COL25A1: variants seen among roughly 807,000 people sequenced by gnomAD.
COL25A1 encodes collagen alpha-1(XXV) chain.
A neutral mutation model predicts 128.4 loss-of-function variants in COL25A1; 103 were observed. The observed-to-expected ratio is 0.80, with a 90% CI of 0.68 to 0.94. The LOEUF (loss-of-function observed/expected upper bound fraction) is 0.94, where lower values mean the gene tolerates loss of function less well. Among genes scored for constraint, COL25A1 ranks in the 40% least tolerant of loss-of-function variants. The pLI is 0.00. For missense variants in COL25A1, 745 were observed against 840.0 expected, an observed-to-expected ratio of 0.89 and a Z score of 1.40; for synonymous variants, 279 against 277.2, an observed-to-expected ratio of 1.01 and a Z score of -0.06.
At chr4:108,833,130 T>A (rs560349408) in intron 31 of COL25A1, among the ~76,000 whole-genome samples, 2 of 152,312 alleles carry the variant, frequency 1.3e-5, no homozygotes, top group South Asian at 4.1e-4. Context: ...TGAACTCTTG[T>A]TTTCAGCTGT....
chr4:109,276,356 G>A (rs1185420737), intron 3 of COL25A1, among the ~76,000 whole-genome samples: 8 of 149,636 alleles, frequency 5.3e-5, no homozygotes, highest in African/African-American at 2.0e-4. Flanking sequence ...AGGTTGCAGT[G>A]AGCCGAGATC....
At chr4:109,283,794 C>T (rs750764907) in intron 3 of COL25A1, among the ~76,000 whole-genome samples, 1 of 152,200 alleles carries the variant, frequency 6.6e-6, no homozygotes, top group African/African-American at 2.4e-5. Flanking sequence ...AGCCCTACTT[C>T]TGAAAGTTGA....
chr4:109,096,798 G>A (rs916464033), intron 3 of COL25A1, among the ~76,000 whole-genome samples: 3 of 152,188 alleles, frequency 2.0e-5, no homozygotes, highest in African/African-American at 7.2e-5. Context: ...TGCAGTTCCT[G>A]ACAAATAGCT....
intron 6 of COL25A1, among the ~76,000 whole-genome samples, chr4:108,987,822 C>T (rs1273383640): frequency 6.6e-6 from 1 of 152,180 alleles, no homozygotes; most frequent in Non-Finnish European, 1.5e-5. Flanking sequence ...CCCCCATAAG[C>T]TCACAATCTC....
intron 6 of COL25A1, among the ~76,000 whole-genome samples, chr4:108,984,600 A>C (rs1177552291): frequency 1.3e-5 from 2 of 152,202 alleles, no homozygotes; most frequent in Non-Finnish European, 2.9e-5. Flanking sequence ...CCAGGTGCTA[A>C]GCCCCTCACT....
intron 13 of COL25A1, among the ~76,000 whole-genome samples, chr4:108,916,710 G>A (rs112155164): frequency 1.3e-5 from 2 of 151,924 alleles, no homozygotes; most frequent in African/African-American, 4.8e-5. Context: ...TTTTGCTTAG[G>A]TTTCCCTCCA....
intron 5 of COL25A1, among the ~76,000 whole-genome samples, chr4:109,030,109 A>G (rs1299988146): frequency 2.0e-5 from 3 of 152,124 alleles, no homozygotes; most frequent in Non-Finnish European, 2.9e-5. Context: ...AGCCTCATGG[A>G]CAGGCCAACT....
At chr4:109,122,613 A>G (rs1467798840) in intron 3 of COL25A1, among the ~76,000 whole-genome samples, 1 of 152,108 alleles carries the variant, frequency 6.6e-6, no homozygotes, top group East Asian at 1.9e-4. Context: ...CATGTAAGTT[A>G]TACCTTATAG....
chr4:108,819,867 G>A, intron 35 of COL25A1: 3 of 1,231,668 alleles, frequency 2.4e-6, no homozygotes, highest in South Asian at 8.2e-5. Context: ...CTCCCCTTTA[G>A]GCCCCTTTTT....
intron 3 of COL25A1, among the ~76,000 whole-genome samples, chr4:109,135,616 C>A (rs1769658586): frequency 6.6e-6 from 1 of 151,392 alleles, no homozygotes; most frequent in African/African-American, 2.4e-5. Context: ...GGACTGGTTC[C>A]TCCCAAACAA....
At position 108,813,712 on chromosome 4, in the gene COL25A1, A is replaced by G; in HGVS notation, c.*215T>C. On this transcript the variant is annotated 3_prime_UTR_variant, in exon 38 of 38. Transcript: ENST00000399132. ...CTTCACATAAGATAAGGAGATACTG[A>G]TCTATATTTTTTGCAGGATTCTCAC... 1.9e-6 allele frequency: 1 copy of G among 526,438 alleles called. No individual in the cohort carries two copies. 32.6% of individuals were successfully genotyped at this position (526,438 alleles called of 1,614,324 possible).
intron 5 of COL25A1, among the ~76,000 whole-genome samples, chr4:109,024,941 A>G (rs560184703): frequency 6.6e-6 from 1 of 152,220 alleles, no homozygotes; most frequent in African/African-American, 2.4e-5. Flanking sequence ...AGAGTTATAC[A>G]GTTAAACACC....
intron 3 of COL25A1, among the ~76,000 whole-genome samples, chr4:109,101,114 T>C (rs966225678): frequency 2.6e-5 from 4 of 152,008 alleles, no homozygotes; most frequent in Non-Finnish European, 5.9e-5. Context: ...ACTTCCCCTT[T>C]ATAGTGTGAT....
chr4:109,048,839 T>C (rs1166513124), intron 4 of COL25A1, among the ~76,000 whole-genome samples: 1 of 152,160 alleles, frequency 6.6e-6, no homozygotes, highest in South Asian at 2.1e-4. Context: ...AAATCCTCTT[T>C]CTTTTGACAA....
Position 108,808,971 on chromosome 4 carries a change from T to A in COL25A1, c.*4956A>T, listed in dbSNP as rs1327230003. 6.6e-6 allele frequency: 1 copy of A among 152,194 alleles called. No individual in the cohort carries two copies. Among genetic ancestry groups the A allele is most frequent in the East Asian group, 1.9e-4 (1 of 5,202 alleles). 9.4% of individuals were successfully genotyped at this position (152,194 alleles called of 1,614,324 possible). ...CCGCAAATCAAAAATCTTATGCATC[T>A]TTTGATACAGTAATGTCAGCTGGAG... is the stretch of plus-strand genomic sequence containing the variant. On this transcript the variant is annotated 3_prime_UTR_variant, in exon 38 of 38. Transcript: ENST00000399132.
At chr4:109,192,197 T>C (rs1775675893) in intron 3 of COL25A1, among the ~76,000 whole-genome samples, 1 of 152,152 alleles carries the variant, frequency 6.6e-6, no homozygotes, top group South Asian at 2.1e-4. Context: ...GGCAACCCAG[T>C]AATGGATGAC....
intron 3 of COL25A1, among the ~76,000 whole-genome samples, chr4:109,073,577 T>C (rs905692754): frequency 2.0e-5 from 3 of 152,232 alleles, no homozygotes; most frequent in Admixed American, 6.5e-5. Context: ...CACAACAAAA[T>C]GTATCCTTTG....
At chr4:108,980,933 C>A (rs1298052863) in intron 6 of COL25A1, among the ~76,000 whole-genome samples, 1 of 152,144 alleles carries the variant, frequency 6.6e-6, no homozygotes, top group Non-Finnish European at 1.5e-5. Flanking sequence ...AGGGAGGAAG[C>A]GGAATATCCC....
In COL25A1 at chr4:109,300,721, TG is replaced by T. The variant is rs1418536645; in HGVS notation, c.298-70del. 3.1e-5 allele frequency: 32 copies of T among 1,048,864 alleles called. No homozygotes were observed. In the East Asian group the frequency reaches 6.9e-4, roughly 23 times the overall value. 65.0% of individuals were successfully genotyped at this position (1,048,864 alleles called of 1,614,324 possible). A position where few individuals can be genotyped will look rare whatever the true frequency, so the allele number is the denominator to read the frequency against. ...AGAGGGATGGAGTCTTTAGGGACTC[TG>T]GCCATACGCCTGATTTACCGGCATT... On this transcript the variant is annotated intron_variant, in intron 2 of 37. Coordinates refer to ENST00000399132, the MANE Select transcript of COL25A1 (RefSeq NM_198721.4).
Sources: allele counts gnomAD v4.1 joint callset (sites outside exome capture counted in the v4.1 genomes callset), GRCh38; gene constraint gnomAD v4.1.1; transcripts MANE v1.5; gene names NCBI Gene and HGNC (gene_info 2026-07-23, HGNC 2026-07-21).